The following MYPOP variants were observed in gnomAD, a reference collection of about 807,000 sequenced individuals.
MYPOP encodes the protein Myb related transcription factor, partner of profilin.
MYPOP carries 21 observed loss-of-function variants against 25.7 expected under a neutral mutation model. The ratio of observed to expected loss-of-function variants is 0.82; its 90% CI spans 0.58 to 1.18. The LOEUF is 1.18. Ranked by LOEUF, MYPOP falls within the 50% of genes most tolerant of loss-of-function variation. The pLI, the probability that MYPOP is intolerant of heterozygous loss-of-function variation, is 0.00. For synonymous variants in MYPOP, 280 were observed against 247.9 expected (o/e 1.13, Z -1.22); for missense variants, 566 against 588.3 (o/e 0.96, Z 0.39).
intron 2 of MYPOP, among the ~76,000 whole-genome samples, chr19:45,895,465 G>T (rs998565318): frequency 6.6e-6 from 1 of 151,980 alleles, no homozygotes; most frequent in Admixed American, 6.6e-5. Context: ...TGTTGCTCAG[G>T]CTGGCCCCAT....
At chr19:45,893,230 GTGCCAT>G (rs1383450110) in intron 2 of MYPOP, among the ~76,000 whole-genome samples, 1 of 150,630 alleles carries the variant, frequency 6.6e-6, no homozygotes, top group Non-Finnish European at 1.5e-5. Flanking sequence ...AGCCATGATC[GTGCCAT>G]TGCACTCCAG....
At chr19:45,895,010 C>T (rs1347860748) in intron 2 of MYPOP, among the ~76,000 whole-genome samples, 5 of 152,086 alleles carry the variant, frequency 3.3e-5, no homozygotes, top group Non-Finnish European at 7.3e-5. Context: ...GCACTGCGCC[C>T]GGCCTTATAT....
rs147675790 is a variant in MYPOP at position 45,890,627 on chromosome 19, G to A, written c.1196C>T (p.Pro399Leu). The change falls in exon 3 of 3, where the codon CCG becomes CTG. Residue 399 changes from proline (P) to leucine (L), a missense_variant. Transcript: ENST00000322217. Reference sequence around the variant, plus strand: ...CAGGATCATAGATAGTAGATTTCACGGAGATTTCCATCGGCCGCGCCTTTT... The same window carrying A: ...CAGGATCATAGATAGTAGATTTCACAGAGATTTCCATCGGCCGCGCCTTTT... Reference protein sequence around the residue: ...TRKRRGRWKSP With the variant: ...TRKRRGRWKSL 1,342 of 1,612,396 alleles carry A rather than the reference G, an allele frequency of 8.3e-4. 14 individuals carry two copies. In the East Asian group the frequency reaches 0.021, roughly 25 times the overall value.
At chr19:45,899,705 T>C (rs1967259345) in intron 2 of MYPOP, among the ~76,000 whole-genome samples, 1 of 152,068 alleles carries the variant, frequency 6.6e-6, no homozygotes, top group Non-Finnish European at 1.5e-5. Flanking sequence ...CTGGGCATGG[T>C]GGCAGGCACC....
chr19:45,901,230 G>C lies in MYPOP; in HGVS notation c.499+45C>G, dbSNP rs1301379734. 2.1e-6 allele frequency: 3 copies of C among 1,401,530 alleles called. No homozygotes were observed. The highest frequency in any genetic ancestry group is 2.9e-5 in the East Asian group (1 of 34,386). The allele number at this position is 1,401,530 out of a possible 1,614,324, so 86.8% of individuals were successfully genotyped here. A position where few individuals can be genotyped will look rare whatever the true frequency, so the allele number is the denominator to read the frequency against. ...CAAGGCTTTGATGAGACATGTAAAA[G>C]GCTTGCAACAGCGCAGGCACACAGC... On this transcript the variant is annotated intron_variant, in intron 2 of 2. Transcript: ENST00000322217. The surrounding 1 kb of genome is among the most constrained non-coding windows in gnomAD (Gnocchi z 5.7).
chr19:45,896,051 G>A (rs779380391), intron 2 of MYPOP, among the ~76,000 whole-genome samples: 3 of 152,158 alleles, frequency 2.0e-5, no homozygotes, highest in Admixed American at 6.6e-5. Context: ...AGCACTTTGA[G>A]AGGCCCAGGC....
chr19:45,898,075 C>T (rs576474175), intron 2 of MYPOP, among the ~76,000 whole-genome samples: 1 of 150,054 alleles, frequency 6.7e-6, no homozygotes, highest in East Asian at 2.2e-4. Context: ...AGGCGTGTGC[C>T]ACCACGTCCA....
At chr19:45,898,870 C>T (rs1967245697) in intron 2 of MYPOP, among the ~76,000 whole-genome samples, 1 of 152,162 alleles carries the variant, frequency 6.6e-6, no homozygotes, top group Non-Finnish European at 1.5e-5. Context: ...TAGTTCTCAC[C>T]ACCTCCTGGT....
In MYPOP at chr19:45,890,713, T is replaced by TGGGGGGGGGGGGGGGGGGGGGGG; in HGVS notation, c.1109_1110insCCCCCCCCCCCCCCCCCCCCCCC (p.Ala371ProfsTer43). The TGGGGGGGGGGGGGGGGGGGGGGG allele has an allele frequency of 3.8e-6, 1 of 265,058 alleles. No homozygotes were observed. 16.4% of individuals were successfully genotyped at this position (265,058 alleles called of 1,614,324 possible). A position where few individuals can be genotyped will look rare whatever the true frequency, so the allele number is the denominator to read the frequency against. ...GGGAGTCGTGCGGAGGGAGCGGGGC[T>TGGGGGGGGGGGGGGGGGGGGGGG]GGGGGGGGCCGGGGTGCCCCCTCCT... On this transcript the variant is annotated frameshift_variant, in exon 3 of 3. Transcript: ENST00000322217. LOFTEE classifies it high-confidence loss of function.
chr19:45,902,275 G>A (rs955989874), intron 1 of MYPOP, among the ~76,000 whole-genome samples: 8 of 151,076 alleles, frequency 5.3e-5, no homozygotes, highest in African/African-American at 1.9e-4. Flanking sequence ...CGCTCTAGGG[G>A]CTCTAGGGGG....
Position 45,890,812 on chromosome 19 carries a change from G to A in MYPOP, c.1011C>T (p.Pro337=), listed in dbSNP as rs551936578. Reference sequence around the variant, plus strand: ...CCACCACAGCAGCCACCACGGACACGGGCTCTGGGGTGATCTCCACCTTGG... The same window carrying A: ...CCACCACAGCAGCCACCACGGACACAGGCTCTGGGGTGATCTCCACCTTGG... ...PAPKVEITPE[P]VSVVAAVVDG... is the part of the protein sequence containing the mutation. The change falls in exon 3 of 3, where the codon CCC becomes CCT. Residue 337 remains proline (P), a synonymous_variant. Coordinates refer to ENST00000322217, the MANE Select transcript of MYPOP (RefSeq NM_001012643.4). The A allele has an allele frequency of 1.5e-5, 22 of 1,468,774 alleles. No homozygotes were observed. The highest frequency in any genetic ancestry group is 2.1e-4 in the Middle Eastern group (1 of 4,746). The allele number at this position is 1,468,774 out of a possible 1,614,324, so 91.0% of individuals were successfully genotyped here.
chr19:45,894,787 C>T (rs973308405), intron 2 of MYPOP, among the ~76,000 whole-genome samples: 44 of 150,626 alleles, frequency 2.9e-4, no homozygotes, highest in Non-Finnish European at 4.6e-4. Flanking sequence ...GGTGCGATCT[C>T]GGCTCACTGC....
Position 45,890,565 on chromosome 19 carries a change from C to G in MYPOP, c.*58G>C. The G allele has an allele frequency of 6.3e-7, 1 of 1,590,836 alleles. No homozygotes were observed. Among genetic ancestry groups the G allele is most frequent in the East Asian group, 2.3e-5 (1 of 44,230 alleles). On this transcript the variant is annotated 3_prime_UTR_variant, in exon 3 of 3. Transcript: ENST00000322217. ...CTGGGATGGGCAGAGAGCATCGCCC[C>G]CCTCGACTGCGCCAAGCTGGGGAGA... is the stretch of plus-strand genomic sequence containing the variant.
At chr19:45,898,634 A>G (rs66777718) in intron 2 of MYPOP, among the ~76,000 whole-genome samples, 27,494 of 151,906 alleles carry the variant, frequency 0.18, 2,756 homozygotes, top group East Asian at 0.36. Flanking sequence ...GGCCTGTGTA[A>G]GATTCTAATC....
At chr19:45,891,815 G>A (rs10422060) in intron 2 of MYPOP, among the ~76,000 whole-genome samples, 52,069 of 151,956 alleles carry the variant, frequency 0.34, 9,326 homozygotes, top group Non-Finnish European at 0.36. Context: ...CTTTGTACCC[G>A]GAGGAGAAAA....
chr19:45,896,861 A>G (rs1026660534), intron 2 of MYPOP, among the ~76,000 whole-genome samples: 5 of 151,604 alleles, frequency 3.3e-5, no homozygotes, highest in Admixed American at 6.6e-5. Flanking sequence ...TCCTGACCTC[A>G]TGATCCACCC....
intron 2 of MYPOP, among the ~76,000 whole-genome samples, chr19:45,895,289 A>C (rs766442091): frequency 2.0e-5 from 3 of 151,928 alleles, no homozygotes; most frequent in Non-Finnish European, 4.4e-5. Flanking sequence ...TCTGTCGCCC[A>C]GGCTGGAGTG....
intron 2 of MYPOP, among the ~76,000 whole-genome samples, chr19:45,899,025 G>C (rs1318508282): frequency 6.6e-6 from 1 of 151,684 alleles, no homozygotes; most frequent in South Asian, 2.1e-4. Flanking sequence ...TCGGGAGTTC[G>C]AGACCAGCCT....
In MYPOP at chr19:45,901,474, G is replaced by C; in HGVS notation, c.300C>G (p.Gly100=). The change falls in exon 2 of 3, where the codon GGC becomes GGG. Residue 100 remains glycine (G), a synonymous_variant. Coordinates refer to ENST00000322217, the MANE Select transcript of MYPOP (RefSeq NM_001012643.4). This position sits in a 1 kb window ranked among gnomAD's most constrained non-coding sequence, Gnocchi z 5.7. ...AAGCGTCCTCCGCGGCGGGCCCGGCGCCCTGCGTGGAGTGCGGCACGCGAG... is the reference window on the plus strand; with the variant it reads ...AAGCGTCCTCCGCGGCGGGCCCGGCCCCCTGCGTGGAGTGCGGCACGCGAG... ...KLARVPHSTQ[G]AGPAAEDAFS... The C allele has an allele frequency of 6.2e-7, 1 of 1,603,848 alleles. No homozygotes were observed. The highest frequency in any genetic ancestry group is 8.5e-7 in the Non-Finnish European group (1 of 1,175,522).
Sources: gnomAD v4.1 joint callset for allele counts (sites outside exome capture counted in the v4.1 genomes callset) on GRCh38, gnomAD v4.1.1 for gene constraint, Gnocchi (gnomAD v3.1) non-coding constraint, MANE v1.5 for transcripts, NCBI Gene and HGNC (gene_info 2026-07-23, HGNC 2026-07-21) for gene names.